Variants in MDC1 observed in about 807,000 individuals in gnomAD.
The protein encoded by MDC1 is mediator of DNA damage checkpoint protein 1.
Under a neutral mutation model 142.5 loss-of-function variants are expected in MDC1, and 81 were observed. The ratio of observed to expected loss-of-function variants is 0.57; its 90% CI spans 0.47 to 0.68. MDC1 has a LOEUF of 0.68. MDC1 is among the 30% of genes least tolerant of loss of function. The probability of loss-of-function intolerance (pLI) is 0.00; values close to 1 mark genes in which losing one functional copy is unlikely to be tolerated. For missense variants in MDC1, 2,119 were observed against 2,547.9 expected, an observed-to-expected ratio of 0.83 and a Z score of 3.62; for synonymous variants, 797 against 968.4, an observed-to-expected ratio of 0.82 and a Z score of 3.29.
Position 30,716,894 on chromosome 6 carries a change from C to T in MDC1, c.-4+351G>A. 2 of 984,314 alleles carry T rather than the reference C, an allele frequency of 2.0e-6. No homozygotes were observed. Among genetic ancestry groups the T allele is most frequent in the Non-Finnish European group, 2.4e-6 (2 of 828,936 alleles). The allele number at this position is 984,314 out of a possible 1,614,324, so 61.0% of individuals were successfully genotyped here. On this transcript the variant is annotated intron_variant, in intron 1 of 14. Transcript: ENST00000376406. This position sits in a 1 kb window ranked among gnomAD's most constrained non-coding sequence, Gnocchi z 4.4. ...AAATGGAATTCACCTGAAAATATGC[C>T]ACTCTAGAGGGAAACTGTTGACAGG...
In MDC1 at chr6:30,703,317, G is replaced by C; in HGVS notation, c.5683-31C>G. On this transcript the variant is annotated intron_variant, in intron 11 of 14. Transcript: ENST00000376406. This position sits in a 1 kb window ranked among gnomAD's most constrained non-coding sequence, Gnocchi z 4.4. ...GAAGGGTTGACCTGAGGTGGTTACG[G>C]CAACCCATGCCATCAGCACCCATCT... The C allele has an allele frequency of 6.2e-7, 1 of 1,608,384 alleles. No individual in the cohort carries two copies.
intron 7 of MDC1, among the ~76,000 whole-genome samples, chr6:30,708,949 C>T (rs142229856): frequency 0.019 from 2,863 of 151,206 alleles, 37 homozygotes; most frequent in South Asian, 0.063. Context: ...CCACTGCATT[C>T]CAGCCTGAGT....
At position 30,708,220 on chromosome 6, in the gene MDC1, C is replaced by T. The variant is rs148637924; in HGVS notation, c.2359G>A (p.Gly787Arg). The change falls in exon 8 of 15, where the codon GGA (glycine) becomes AGA (arginine). Residue 787 changes from glycine (G) to arginine (R), a missense_variant. By Grantham distance (125) the Gly-to-Arg change is moderately radical. Transcript: ENST00000376406. ...ACTGGGCTCTCTGGATGTTGGTCTC[C>T]TGGTATTGCCCTAGGTGGAGACAGG... ...PCLSPPRAIP[G>R]DQHPESPVHT... 1.2e-3 allele frequency: 2,002 copies of T among 1,613,108 alleles called. 4 individuals are homozygous for T. Among genetic ancestry groups the T allele is most frequent in the Non-Finnish European group, 1.5e-3 (1,813 of 1,180,026 alleles).
chr6:30,711,744 T>G lies in MDC1; in HGVS notation c.2069-18A>C. ...TTCAGAATCTGGTCGGGGAGGAATA[T>G]AAGACAGTTTAAAACAAAAATCATA... On this transcript the variant is annotated intron_variant, in intron 5 of 14. Transcript: ENST00000376406. 6.8e-6 allele frequency: 11 copies of G among 1,606,512 alleles called. No homozygotes were observed. Among genetic ancestry groups the G allele is most frequent in the Non-Finnish European group, 9.3e-6 (11 of 1,176,772 alleles).
At position 30,714,183 on chromosome 6, in the gene MDC1, T is replaced by C. The variant is rs552747832; in HGVS notation, c.137A>G (p.Asp46Gly). Reference protein sequence around the residue: ...IFSGAHGPEKDFPLHLGKNVV... With the variant: ...IFSGAHGPEKGFPLHLGKNVV... ...ATTCTTCCCGAGGTGTAGTGGGAAATCTAAGAATTAGAGAGGTAGATAAGC... is the reference window on the plus strand; with the variant it reads ...ATTCTTCCCGAGGTGTAGTGGGAAACCTAAGAATTAGAGAGGTAGATAAGC... Residue 46 changes from aspartate (D) to glycine (G), a missense_variant and splice_region_variant, in exon 3 of 15, where the codon GAT becomes GGT. By Grantham distance (94) the Asp-to-Gly change is moderately conservative (BLOSUM62 -1). Transcript: ENST00000376406. 30 of 1,604,610 alleles carry C rather than the reference T, an allele frequency of 1.9e-5. No homozygotes were observed. In the South Asian group the frequency reaches 3.3e-4, roughly 18 times the overall value.
intron 12 of MDC1, 106 bp downstream of exon 12, chr6:30,702,998 A>G: frequency 1.3e-6 from 2 of 1,579,258 alleles, no homozygotes; most frequent in Non-Finnish European, 1.7e-6. Context: ...TGGCTCACCA[A>G]TGCCCCTGTC....
At chr6:30,711,351 A>T (rs771610467) in intron 7 of MDC1, 61 bp downstream of exon 7, 24 of 1,449,574 alleles carry the variant, frequency 1.7e-5, no homozygotes, top group Non-Finnish European at 2.1e-5. Context: ...AGCCTGAGTG[A>T]CAGAGGAAAA....
In MDC1 at chr6:30,703,226, T is replaced by C. The variant is rs141546796; in HGVS notation, c.5743A>G (p.Ser1915Gly). 24 of 1,613,094 alleles carry C rather than the reference T, an allele frequency of 1.5e-5. No individual in the cohort carries two copies. The Admixed American group carries it at 2.7e-4, about 18-fold the overall frequency. The change falls in exon 12 of 15, where the codon AGT becomes GGT. Residue 1915 changes from serine to glycine, a missense_variant. Transcript: ENST00000376406. The surrounding 1 kb of genome is among the most constrained non-coding windows in gnomAD (Gnocchi z 4.4). ...GERAVLALGGSLAGSAAEASH... is the reference protein window; with the variant it reads ...GERAVLALGGGLAGSAAEASH... Reference sequence around the variant, plus strand: ...GCCTCTGCCGCTGAACCAGCCAGACTTCCCCCCAGTGCCAGCACAGCCCGC... The same window carrying C: ...GCCTCTGCCGCTGAACCAGCCAGACCTCCCCCCAGTGCCAGCACAGCCCGC...
At position 30,702,573 on chromosome 6, in the gene MDC1, TG is replaced by T. The variant is rs1189345417; in HGVS notation, c.6081del (p.Ser2028AlafsTer12). Reference sequence around the variant, plus strand: ...CATACCTTATAGGACCGAGGCATGCTGGGTAGGTATGTGCCTCCACAGCAGC... The same window carrying T: ...CATACCTTATAGGACCGAGGCATGCTGGTAGGTATGTGCCTCCACAGCAGC... ...IISCCGGTYL[P>X]SMPRSYKPQR... is the part of the protein sequence containing the mutation. On this transcript the variant is annotated frameshift_variant, in exon 14 of 15. Transcript: ENST00000376406. LOFTEE classifies it high-confidence loss of function. The T allele has an allele frequency of 6.2e-7, 1 of 1,600,344 alleles. No homozygotes were observed. Among genetic ancestry groups the T allele is most frequent in the Non-Finnish European group, 8.5e-7 (1 of 1,174,634 alleles).
rs1459437873 is a variant in MDC1 at position 30,705,500 on chromosome 6, G to C, written c.3683C>G (p.Thr1228Ser). The change falls in exon 10 of 15, where the codon ACT becomes AGT. Residue 1228 changes from threonine to serine, a missense_variant. Thr to Ser is a moderately conservative substitution (Grantham distance 58). Coordinates refer to ENST00000376406, the MANE Select transcript of MDC1 (RefSeq NM_014641.3). The stretch of plus-strand genomic sequence containing the variant: ...AGAGGATCTATTTTTTCTTCCCCTA[G>C]TAGCCTGAGAGGTGGGTTCAGAGGT... ...PVTSEPTSQA[T>S]RGRKNRSSVK... 16 of 1,607,068 alleles carry C rather than the reference G, an allele frequency of 1.0e-5. No individual in the cohort carries two copies. The highest frequency in any genetic ancestry group is 1.2e-5 in the Non-Finnish European group (14 of 1,177,090).
Position 30,708,366 on chromosome 6 carries a change from G to A in MDC1, c.2222-9C>T, listed in dbSNP as rs759530189. 6.2e-7 allele frequency: 1 copy of A among 1,603,458 alleles called. No homozygotes were observed. The highest frequency in any genetic ancestry group is 1.1e-5 in the South Asian group (1 of 90,980). ...TGGTTCATCTAGGGTACCTGGAAGGGGAGGAAGGAAGAGAGAGAGAGGGAG... is the reference window on the plus strand; with the variant it reads ...TGGTTCATCTAGGGTACCTGGAAGGAGAGGAAGGAAGAGAGAGAGAGGGAG... On this transcript the variant is annotated splice_polypyrimidine_tract_variant and intron_variant, in intron 7 of 14. Coordinates refer to ENST00000376406, the MANE Select transcript of MDC1 (RefSeq NM_014641.3).
chr6:30,714,312 G>A, intron 2 of MDC1, 129 bp from the exon 3 acceptor site: 2 of 981,570 alleles, frequency 2.0e-6, no homozygotes, highest in East Asian at 5.3e-5. Context: ...AAGGCCCTAG[G>A]ACATCTAGGC....
At chr6:30,702,256 CAAAAAAA>C (rs57764077) in intron 14 of MDC1, among the ~76,000 whole-genome samples, 7 of 59,140 alleles carry the variant, frequency 1.2e-4, no homozygotes, top group Admixed American at 2.2e-4. Context: ...GACTCCATCT[CAAAAAAA>C]AAAAAAAAAA....
At position 30,713,352 on chromosome 6, in the gene MDC1, T is replaced by C. The variant is rs781380388; in HGVS notation, c.590A>G (p.Asp197Gly). The C allele has an allele frequency of 6.4e-7, 1 of 1,570,658 alleles. No homozygotes were observed. Among genetic ancestry groups the C allele is most frequent in the Non-Finnish European group, 8.6e-7 (1 of 1,164,386 alleles). The change falls in exon 5 of 15, where the codon GAT becomes GGT. Residue 197 changes from aspartate to glycine, a missense_variant and splice_region_variant. Coordinates refer to ENST00000376406, the MANE Select transcript of MDC1 (RefSeq NM_014641.3). This position sits in a 1 kb window ranked among gnomAD's most constrained non-coding sequence, Gnocchi z 4.9. ...CAGGACCGGGGAATGCCCCTCTTCA[T>C]CACTGTGAAGGGAAGAAAAGAGAGT... is the stretch of plus-strand genomic sequence containing the variant. ...TSSSVIVPES[D>G]EEGHSPVLGG...
intron 14 of MDC1, 74 bp downstream of exon 14, chr6:30,702,479 C>T (rs1772917396): frequency 8.2e-7 from 1 of 1,212,518 alleles, no homozygotes; most frequent in South Asian, 1.6e-5. Context: ...TTTTTCCCTC[C>T]AATCTTTGCC....
At chr6:30,702,517 G>C in intron 14 of MDC1, 36 bp downstream of exon 14, 3 of 1,453,566 alleles carry the variant, frequency 2.1e-6, no homozygotes, top group South Asian at 2.9e-5. Context: ...AACTGCCACT[G>C]CCACCTCACC....
At chr6:30,702,696 A>T in intron 13 of MDC1, 33 bp from the exon 14 acceptor site, 1 of 1,612,298 alleles carries the variant, frequency 6.2e-7, no homozygotes, top group Non-Finnish European at 8.5e-7. Context: ...ATGGTATTGT[A>T]GATTGGGAAG....
rs1773554304 is a variant in MDC1, at chr6:30,705,212, G to A, written c.3971C>T (p.Thr1324Ile). The A allele has an allele frequency of 1.3e-6, 2 of 1,591,590 alleles. No individual in the cohort carries two copies. The highest frequency in any genetic ancestry group is 1.7e-6 in the Non-Finnish European group (2 of 1,170,134). The change falls in exon 10 of 15, where the codon ACA becomes ATA. Residue 1324 changes from threonine (T) to isoleucine (I), a missense_variant. Transcript: ENST00000376406. ...TNMSSVKTPE[T>I]VVPTAPELQI... ...GAGCTCAGGGGCTGTGGGGACAACT[G>A]TTTCAGGGGTCTTGACAGAGGACAT...
intron 14 of MDC1, among the ~76,000 whole-genome samples, chr6:30,701,055 A>G (rs1433274062): frequency 1.4e-5 from 2 of 147,380 alleles, no homozygotes; most frequent in Non-Finnish European, 3.0e-5. Flanking sequence ...AGCCTGGGCT[A>G]CAGAGCAAGA....
Sources: gnomAD v4.1 joint callset for allele counts (sites outside exome capture counted in the v4.1 genomes callset) on GRCh38, gnomAD v4.1.1 for gene constraint, Gnocchi (gnomAD v3.1) non-coding constraint, MANE v1.5 for transcripts, NCBI Gene and HGNC (gene_info 2026-07-23, HGNC 2026-07-21) for gene names.